The following NRXN1 variants were observed in gnomAD, a reference collection of about 807,000 sequenced individuals.
The protein encoded by NRXN1 is neurexin-1.
A neutral mutation model predicts 150.9 loss-of-function variants in NRXN1; 39 were observed. That is an observed-to-expected ratio of 0.26 (90% CI 0.20 to 0.34). The LOEUF is 0.34. Ranked by LOEUF, NRXN1 falls within the 10% of genes least tolerant of loss-of-function variation. The pLI is 1.00. For missense variants in NRXN1, 1,815 were observed against 1,949.9 expected (o/e 0.93, Z 1.30); for synonymous variants, 924 against 757.0 (o/e 1.22, Z -3.62).
intron 8 of NRXN1, among the ~76,000 whole-genome samples, chr2:50,553,353 T>C (rs1410083865): frequency 6.6e-6 from 1 of 152,240 alleles, no homozygotes; most frequent in Non-Finnish European, 1.5e-5. Context: ...ATGCTAAGAC[T>C]TGAACTTATA....
intron 5 of NRXN1, chr2:50,637,589 C>A (rs148926606): frequency 6.6e-6 from 1 of 152,362 alleles, no homozygotes; most frequent in Non-Finnish European, 1.5e-5. Flanking sequence ...AACCCAAACT[C>A]TTGAACTCAC....
chr2:50,900,836 G>A (rs751026777), intron 5 of NRXN1, among the ~76,000 whole-genome samples: 3 of 152,090 alleles, frequency 2.0e-5, no homozygotes, highest in East Asian at 1.9e-4. Context: ...GGTGATGAGC[G>A]CTACCTGGAT....
chr2:50,102,900 G>C (rs1410949902), intron 18 of NRXN1, among the ~76,000 whole-genome samples: 1 of 151,924 alleles, frequency 6.6e-6, no homozygotes, highest in Admixed American at 6.6e-5. Flanking sequence ...CAAAATATTT[G>C]TATAAGATAT....
In NRXN1 at chr2:50,620,139, C is replaced by A. The variant is rs201033822; in HGVS notation, c.1203G>T (p.Thr401=). ...ACCCCAGCATGGTATAATCTTCTTG[C>A]GTGTAGCCCGTTGTGGTAAGAATCC... The part of the protein sequence containing the change: ...VDGILTTTGY[T]QEDYTMLGSD... Residue 401 remains threonine (T), a synonymous_variant, in exon 8 of 23, where the codon ACG becomes ACT. Coordinates refer to ENST00000401669, the MANE Select transcript of NRXN1 (RefSeq NM_001330078.2). 4 of 1,613,456 alleles carry A rather than the reference C, an allele frequency of 2.5e-6. No homozygotes were observed. The highest frequency in any genetic ancestry group is 3.4e-6 in the Non-Finnish European group (4 of 1,179,628).
intron 2 of NRXN1, among the ~76,000 whole-genome samples, chr2:50,966,676 T>C (rs556535394): frequency 2.0e-5 from 3 of 151,996 alleles, no homozygotes; most frequent in African/African-American, 7.2e-5. Context: ...TGGCATTTGC[T>C]AAACATCAAT....
intron 5 of NRXN1, among the ~76,000 whole-genome samples, chr2:50,858,324 A>T (rs1675570970): frequency 6.6e-6 from 1 of 152,086 alleles, no homozygotes; most frequent in Non-Finnish European, 1.5e-5. Context: ...CCATTGTCTC[A>T]CTGTTTGGGC....
intron 18 of NRXN1, among the ~76,000 whole-genome samples, chr2:50,164,461 T>C (rs192047566): frequency 6.6e-6 from 1 of 152,314 alleles, no homozygotes; most frequent in African/African-American, 2.4e-5. Context: ...TAAAAAGTTA[T>C]CTAAAATGAT....
chr2:50,309,155 A>G (rs1196868143), intron 17 of NRXN1, among the ~76,000 whole-genome samples: 1 of 152,076 alleles, frequency 6.6e-6, no homozygotes, highest in African/African-American at 2.4e-5. Flanking sequence ...GATGCATTTC[A>G]TTTTACTTTT....
chr2:50,855,599 T>C (rs781014512), intron 5 of NRXN1, among the ~76,000 whole-genome samples: 1 of 152,026 alleles, frequency 6.6e-6, no homozygotes, highest in Non-Finnish European at 1.5e-5. Flanking sequence ...ATTTAAAACA[T>C]CCAAGGGAAG....
At chr2:50,894,657 T>C (rs1284578670) in intron 5 of NRXN1, among the ~76,000 whole-genome samples, 1 of 152,226 alleles carries the variant, frequency 6.6e-6, no homozygotes, top group East Asian at 1.9e-4. Context: ...TAAAAATTAG[T>C]GCTAATATAA....
chr2:50,516,312 G>A (rs1397546820), intron 12 of NRXN1, among the ~76,000 whole-genome samples: 1 of 152,182 alleles, frequency 6.6e-6, no homozygotes, highest in Non-Finnish European at 1.5e-5. Context: ...CTCAGCATAT[G>A]GCACGGTGTG....
At chr2:50,326,173 T>C (rs1338675081) in intron 17 of NRXN1, among the ~76,000 whole-genome samples, 4 of 152,166 alleles carry the variant, frequency 2.6e-5, no homozygotes, top group African/African-American at 9.7e-5. Context: ...ACGTTTGTAG[T>C]CCAATATTAA....
chr2:49,989,903 A>T (rs1448761704), intron 21 of NRXN1, among the ~76,000 whole-genome samples: 2 of 152,064 alleles, frequency 1.3e-5, no homozygotes, highest in South Asian at 2.1e-4. Flanking sequence ...CACTCACTTT[A>T]TTATGGTCTT....
intron 9 of NRXN1, among the ~76,000 whole-genome samples, chr2:50,541,454 C>T (rs1215134870): frequency 2.6e-5 from 4 of 152,130 alleles, no homozygotes; most frequent in African/African-American, 7.2e-5. Context: ...TCATTCATTA[C>T]AGTTTGTCTG....
chr2:50,475,060 A>G (rs2089879622), intron 15 of NRXN1, among the ~76,000 whole-genome samples: 2 of 152,068 alleles, frequency 1.3e-5, no homozygotes, highest in African/African-American at 4.8e-5. Context: ...CATGACAAAT[A>G]GCAATGAAAG....
intron 5 of NRXN1, among the ~76,000 whole-genome samples, chr2:50,638,940 C>A (rs1050221899): frequency 6.6e-6 from 1 of 152,008 alleles, no homozygotes; most frequent in African/African-American, 2.4e-5. Context: ...AGCTTTCTAC[C>A]CTCAATACAC....
Position 50,883,729 on chromosome 2 carries a change from T to C in NRXN1, c.832+38140A>G, listed in dbSNP as rs150575435. Among the ~76,000 whole-genome samples the C allele has an allele frequency of 6.6e-3, 1,000 of 151,944 alleles. 4 individuals carry two copies. Among genetic ancestry groups the C allele is most frequent in the Admixed American group, 0.011 (174 of 15,208 alleles). On this transcript the variant is annotated intron_variant, in intron 5 of 22. Transcript: ENST00000401669. ...CACTGTTAGTAGCAGAATAAATAAA[T>C]TGTGATTTAGGTAAACAATAGAATA...
At chr2:50,390,538 G>C (rs2081619668) in intron 17 of NRXN1, among the ~76,000 whole-genome samples, 1 of 152,090 alleles carries the variant, frequency 6.6e-6, no homozygotes, top group African/African-American at 2.4e-5. Flanking sequence ...GGAGACCTTG[G>C]TAAGTGTTAT....
intron 22 of NRXN1, among the ~76,000 whole-genome samples, chr2:49,938,101 T>G (rs1204492760): frequency 2.0e-5 from 3 of 152,206 alleles, no homozygotes; most frequent in Non-Finnish European, 4.4e-5. Flanking sequence ...ATTATTTAAA[T>G]GAACTTTTGA....
Sources: gnomAD v4.1 joint callset for allele counts (sites outside exome capture counted in the v4.1 genomes callset) on GRCh38, gnomAD v4.1.1 for gene constraint, MANE v1.5 for transcripts, NCBI Gene and HGNC (gene_info 2026-07-23, HGNC 2026-07-21) for gene names.